Variants in CPE observed in about 807,000 individuals in gnomAD.
The protein encoded by CPE is carboxypeptidase E, also known as carbocypeptidase E.
In CPE, 17 loss-of-function variants were observed where a neutral mutation model predicts 53.5. That is an observed-to-expected ratio of 0.32 (90% CI 0.22 to 0.48). CPE has a LOEUF of 0.48. CPE is among the 20% of genes least tolerant of loss of function. The probability of loss-of-function intolerance (pLI) is 0.99; values close to 1 mark genes in which losing one functional copy is unlikely to be tolerated. For missense variants in CPE, 524 were observed against 614.7 expected (o/e 0.85, Z 1.56); for synonymous variants, 226 against 228.8 (o/e 0.99, Z 0.11).
At chr4:165,450,923 A>C (rs1414892255) in intron 1 of CPE, among the ~76,000 whole-genome samples, 1 of 152,208 alleles carries the variant, frequency 6.6e-6, no homozygotes, top group Non-Finnish European at 1.5e-5. Flanking sequence ...TTTAAAAGTC[A>C]GTCTCATTTG....
chr4:165,428,446 G>C (rs887287538), intron 1 of CPE, among the ~76,000 whole-genome samples: 1 of 152,016 alleles, frequency 6.6e-6, no homozygotes, highest in African/African-American at 2.4e-5. Context: ...TTACTGTAAT[G>C]GGAGATAATT....
chr4:165,383,107 C>G (rs1312180276), intron 1 of CPE, among the ~76,000 whole-genome samples: 1 of 152,146 alleles, frequency 6.6e-6, no homozygotes, highest in Non-Finnish European at 1.5e-5. Flanking sequence ...TAAGTCTGGA[C>G]CCCAGATGGG....
intron 1 of CPE, among the ~76,000 whole-genome samples, chr4:165,438,233 G>T (rs1334716632): frequency 2.0e-5 from 3 of 152,116 alleles, no homozygotes; most frequent in Admixed American, 6.6e-5. Flanking sequence ...GGTAGTGGAT[G>T]GGAGAATGTT....
chr4:165,403,653 T>C (rs922687249), intron 1 of CPE, among the ~76,000 whole-genome samples: 1 of 151,920 alleles, frequency 6.6e-6, no homozygotes, highest in East Asian at 1.9e-4. Flanking sequence ...TTGTAATTCA[T>C]GTTTTTAATT....
At chr4:165,476,004 A>G (rs181088644) in intron 3 of CPE, among the ~76,000 whole-genome samples, 1 of 152,310 alleles carries the variant, frequency 6.6e-6, no homozygotes, top group East Asian at 1.9e-4. Context: ...ACTGGGAAAC[A>G]TATCCAAGTC....
chr4:165,453,976 A>ATT (rs33941193), intron 1 of CPE, among the ~76,000 whole-genome samples: 29 of 151,024 alleles, frequency 1.9e-4, no homozygotes, highest in Admixed American at 2.6e-4. Context: ...AAAAGCTAGA[A>ATT]TTTTTTTTTT....
At chr4:165,386,340 T>A (rs761828014) in intron 1 of CPE, 9 of 468,000 alleles carry the variant, frequency 1.9e-5, no homozygotes, top group East Asian at 6.5e-5. Context: ...TTATATATAT[T>A]TTTTAATCCT....
At chr4:165,427,909 T>C (rs1012022902) in intron 1 of CPE, among the ~76,000 whole-genome samples, 3 of 152,266 alleles carry the variant, frequency 2.0e-5, no homozygotes, top group Non-Finnish European at 2.9e-5. Flanking sequence ...TATTGCATTC[T>C]GTAATGTATA....
chr4:165,389,132 CAT>C (rs1276760757), intron 1 of CPE, among the ~76,000 whole-genome samples: 1 of 152,224 alleles, frequency 6.6e-6, no homozygotes, highest in Admixed American at 6.5e-5. Context: ...AGATAAATCT[CAT>C]GTGAATACTA....
rs543262100 is a variant in CPE at position 165,447,865 on chromosome 4, C to G, written c.308-16525C>G. 2.7e-4 allele frequency among the ~76,000 whole-genome samples: 41 copies of G among 152,056 alleles called. No individual in the cohort carries two copies. The South Asian group carries it at 8.1e-3, about 30-fold the overall frequency. On this transcript the variant is annotated intron_variant, in intron 1 of 8. Transcript: ENST00000402744. ...CACAAACACACAGATTAACCTAGGC[C>G]TACACAGGGTCAGGAACATCAAAAC...
At chr4:165,404,186 T>C (rs1021009888) in intron 1 of CPE, 14 of 760,038 alleles carry the variant, frequency 1.8e-5, no homozygotes, top group African/African-American at 3.4e-5. Context: ...CTGGGCTTCA[T>C]ACAGATCCAC....
intron 1 of CPE, among the ~76,000 whole-genome samples, chr4:165,410,140 T>G (rs951314018): frequency 2.6e-5 from 4 of 151,426 alleles, no homozygotes; most frequent in African/African-American, 4.9e-5. Flanking sequence ...TCCCAGCTAC[T>G]TGGGAGGCTG....
chr4:165,490,856 T>C (rs1335043141), intron 6 of CPE, among the ~76,000 whole-genome samples: 4 of 152,202 alleles, frequency 2.6e-5, no homozygotes, highest in Non-Finnish European at 5.9e-5. Flanking sequence ...TCTGGAGGCT[T>C]TTTCAGCCTT....
intron 4 of CPE, among the ~76,000 whole-genome samples, chr4:165,482,821 G>A (rs1732438393): frequency 6.6e-6 from 1 of 152,166 alleles, no homozygotes; most frequent in South Asian, 2.1e-4. Context: ...TGGTGTCAGG[G>A]AGGGGAAGTG....
chr4:165,436,271 C>G (rs1053533975), intron 1 of CPE, among the ~76,000 whole-genome samples: 1 of 151,912 alleles, frequency 6.6e-6, no homozygotes, highest in African/African-American at 2.4e-5. Flanking sequence ...CTCTTTATAC[C>G]CACTAAATTG....
intron 3 of CPE, among the ~76,000 whole-genome samples, chr4:165,474,329 G>C (rs1013907058): frequency 6.6e-6 from 1 of 152,174 alleles, no homozygotes; most frequent in East Asian, 1.9e-4. Flanking sequence ...ATATTACAAA[G>C]GAAAGCTAGT....
intron 1 of CPE, among the ~76,000 whole-genome samples, chr4:165,398,351 T>C (rs532555130): frequency 2.8e-4 from 42 of 152,166 alleles, no homozygotes; most frequent in Non-Finnish European, 5.3e-4. Flanking sequence ...CACACACATA[T>C]ACACATGCAT....
At chr4:165,387,168 G>T (rs1163957509) in intron 1 of CPE, among the ~76,000 whole-genome samples, 1 of 152,156 alleles carries the variant, frequency 6.6e-6, no homozygotes, top group African/African-American at 2.4e-5. Flanking sequence ...TGTGTTACTA[G>T]TGTCTTTTAT....
At chr4:165,393,850 C>T (rs1288971675) in intron 1 of CPE, among the ~76,000 whole-genome samples, 1 of 152,132 alleles carries the variant, frequency 6.6e-6, no homozygotes, top group Admixed American at 6.5e-5. Flanking sequence ...TGGCAAAAAA[C>T]CAGGAAAGCA....
Sources: allele counts gnomAD v4.1 joint callset (sites outside exome capture counted in the v4.1 genomes callset), GRCh38; gene constraint gnomAD v4.1.1; transcripts MANE v1.5; gene names NCBI Gene and HGNC (gene_info 2026-07-23, HGNC 2026-07-21).